The following FSTL5 variants were observed in gnomAD, a reference collection of about 807,000 sequenced individuals.
FSTL5 encodes follistatin like 5, also known as follistatin-related protein 5.
FSTL5 carries 62 observed loss-of-function variants against 89.1 expected under a neutral mutation model. The observed-to-expected ratio is 0.70, with a 90% CI of 0.57 to 0.86. The LOEUF is 0.86. Among genes scored for constraint, FSTL5 ranks in the 40% least tolerant of loss-of-function variants. The pLI is 0.00. For missense variants in FSTL5, 1,057 were observed against 1,001.6 expected, an observed-to-expected ratio of 1.06 and a Z score of -0.75; for synonymous variants, 383 against 346.2, an observed-to-expected ratio of 1.11 and a Z score of -1.18.
chr4:161,847,210 A>G (rs1307356190), intron 4 of FSTL5, among the ~76,000 whole-genome samples: 1 of 152,242 alleles, frequency 6.6e-6, no homozygotes, highest in Non-Finnish European at 1.5e-5. Flanking sequence ...CAAATGTCCC[A>G]TGCAAAGTTT....
chr4:161,962,199 AAT>A (rs1192034212), intron 3 of FSTL5, among the ~76,000 whole-genome samples: 7 of 151,982 alleles, frequency 4.6e-5, no homozygotes, highest in Admixed American at 4.6e-4. Context: ...AGTATTATTT[AAT>A]ATGTTAGTAT....
intron 7 of FSTL5, among the ~76,000 whole-genome samples, chr4:161,634,524 T>A (rs965325567): frequency 1.3e-5 from 2 of 151,590 alleles, no homozygotes; most frequent in Non-Finnish European, 2.9e-5. Context: ...ATAAAGAAAA[T>A]ACAGTATAAA....
chr4:161,609,019 T>C (rs990686976), intron 7 of FSTL5, among the ~76,000 whole-genome samples: 1 of 152,026 alleles, frequency 6.6e-6, no homozygotes, highest in South Asian at 2.1e-4. Flanking sequence ...TATTAACCTA[T>C]AATTTTATTC....
At chr4:161,594,204 G>A (rs1428218380) in intron 7 of FSTL5, among the ~76,000 whole-genome samples, 4 of 152,018 alleles carry the variant, frequency 2.6e-5, no homozygotes, top group Non-Finnish European at 4.4e-5. Context: ...ATATCATGGA[G>A]ACCAGATCAC....
At chr4:162,033,901 T>G (rs1309435915) in intron 2 of FSTL5, among the ~76,000 whole-genome samples, 1 of 152,124 alleles carries the variant, frequency 6.6e-6, no homozygotes, top group East Asian at 1.9e-4. Context: ...CAGACTCAAG[T>G]GATCCTCCCA....
chr4:161,886,541 TTAGA>T (rs1007274477), intron 4 of FSTL5, among the ~76,000 whole-genome samples: 4 of 152,198 alleles, frequency 2.6e-5, no homozygotes, highest in South Asian at 2.1e-4. Flanking sequence ...ATAAAAGGCA[TTAGA>T]TAAACATCTG....
intron 4 of FSTL5, among the ~76,000 whole-genome samples, chr4:161,918,777 T>C (rs1004259873): frequency 1.3e-5 from 2 of 151,968 alleles, no homozygotes; most frequent in East Asian, 3.9e-4. Flanking sequence ...CCCGAGTGGC[T>C]GGGATAGAGG....
intron 2 of FSTL5, among the ~76,000 whole-genome samples, chr4:162,046,722 T>G (rs1014694609): frequency 6.6e-6 from 1 of 152,132 alleles, no homozygotes; most frequent in Non-Finnish European, 1.5e-5. Flanking sequence ...AATGAAAAGA[T>G]TTGTAATTAA....
chr4:161,674,017 T>C lies in FSTL5; in HGVS notation c.728-17523A>G, dbSNP rs1377022763. ...ATAAAATTGTTAATAAGAGTGACTTTATTTGGGCTAGGTACTATTCAGCAT... is the reference window on the plus strand; with the variant it reads ...ATAAAATTGTTAATAAGAGTGACTTCATTTGGGCTAGGTACTATTCAGCAT... On this transcript the variant is annotated intron_variant, in intron 6 of 15. Coordinates refer to ENST00000306100, the MANE Select transcript of FSTL5 (RefSeq NM_020116.5). Among the ~76,000 whole-genome samples the C allele has an allele frequency of 2.6e-5, 4 of 152,154 alleles. No homozygotes were observed. The East Asian group carries it at 7.7e-4, about 29-fold the overall frequency.
chr4:161,649,973 C>T (rs533015622), intron 7 of FSTL5, among the ~76,000 whole-genome samples: 18 of 152,204 alleles, frequency 1.2e-4, no homozygotes, highest in Non-Finnish European at 1.9e-4. Context: ...TCTTGGAATG[C>T]TAGAGAAAAA....
chr4:162,128,319 A>C (rs1057390697), intron 1 of FSTL5, among the ~76,000 whole-genome samples: 8 of 152,174 alleles, frequency 5.3e-5, no homozygotes, highest in African/African-American at 1.9e-4. Flanking sequence ...TTTCTGTCTC[A>C]CGCAAATTCA....
At chr4:161,885,633 G>A (rs1732784037) in intron 4 of FSTL5, among the ~76,000 whole-genome samples, 1 of 152,158 alleles carries the variant, frequency 6.6e-6, no homozygotes, top group Admixed American at 6.5e-5. Flanking sequence ...TATTTTAGTA[G>A]AGACAGGGTT....
chr4:162,041,204 A>T (rs1167365479), intron 2 of FSTL5, among the ~76,000 whole-genome samples: 4 of 7,618 alleles, frequency 5.3e-4, no homozygotes, highest in South Asian at 3.9e-3. Flanking sequence ...TGAGATGGTA[A>T]AAAAAAAAAA....
At chr4:161,806,712 T>C (rs1729977278) in intron 4 of FSTL5, among the ~76,000 whole-genome samples, 1 of 152,094 alleles carries the variant, frequency 6.6e-6, no homozygotes, top group Admixed American at 6.6e-5. Context: ...TCAAGTAATA[T>C]AGCTTTCACA....
intron 10 of FSTL5, among the ~76,000 whole-genome samples, chr4:161,537,108 T>A (rs919636281): frequency 4.6e-5 from 7 of 152,148 alleles, no homozygotes; most frequent in African/African-American, 1.7e-4. Context: ...TGCTAGTAGT[T>A]GGGACCTGGG....
intron 10 of FSTL5, among the ~76,000 whole-genome samples, chr4:161,513,821 G>A (rs1031794964): frequency 2.0e-5 from 3 of 152,064 alleles, no homozygotes; most frequent in Non-Finnish European, 2.9e-5. Flanking sequence ...AGAACACACT[G>A]AGGCCTGTTG....
chr4:161,849,086 A>G (rs182122440), intron 4 of FSTL5, among the ~76,000 whole-genome samples: 1 of 152,222 alleles, frequency 6.6e-6, no homozygotes, highest in Non-Finnish European at 1.5e-5. Flanking sequence ...TGAACATAGT[A>G]GTTGCTACAT....
chr4:161,686,297 T>G (rs1314224789), intron 6 of FSTL5, among the ~76,000 whole-genome samples: 1 of 125,232 alleles, frequency 8.0e-6, no homozygotes, highest in Non-Finnish European at 1.6e-5. Flanking sequence ...TCCCTCTTTC[T>G]CCTTTGCCAT....
At chr4:161,868,882 T>A (rs1313559555) in intron 4 of FSTL5, among the ~76,000 whole-genome samples, 1 of 152,204 alleles carries the variant, frequency 6.6e-6, no homozygotes, top group Non-Finnish European at 1.5e-5. Flanking sequence ...GAAAGCCGTA[T>A]CCTTATATAC....
Sources: allele counts gnomAD v4.1 joint callset (sites outside exome capture counted in the v4.1 genomes callset), GRCh38; gene constraint gnomAD v4.1.1; transcripts MANE v1.5; gene names NCBI Gene and HGNC (gene_info 2026-07-23, HGNC 2026-07-21).